Variants in LMLN observed in about 807,000 individuals in gnomAD.
The protein encoded by LMLN is leishmanolysin-like peptidase.
Under a neutral mutation model 92.3 loss-of-function variants are expected in LMLN, and 70 were observed. That is an observed-to-expected ratio of 0.76 (90% CI 0.63 to 0.92). The LOEUF (loss-of-function observed/expected upper bound fraction) is 0.92. Ranked by LOEUF, LMLN falls within the 40% of genes least tolerant of loss-of-function variation. LMLN has a pLI of 0.00. For missense variants in LMLN, 691 were observed against 814.6 expected (o/e 0.85, Z 1.85); for synonymous variants, 308 against 296.2 (o/e 1.04, Z -0.41).
At chr3:198,028,944 A>G (rs542766789) in intron 14 of LMLN, among the ~76,000 whole-genome samples, 80 of 152,330 alleles carry the variant, frequency 5.3e-4, no homozygotes, top group African/African-American at 1.9e-3. Flanking sequence ...ATCATCTTAC[A>G]TCATTCCAGC....
In LMLN at chr3:198,024,871, C is replaced by A. The variant is rs1395893615; in HGVS notation, c.1656+83C>A. 9.7e-6 allele frequency: 11 copies of A among 1,130,498 alleles called. No individual in the cohort carries two copies. The East Asian group carries it at 2.5e-4, about 26-fold the overall frequency. 70.0% of individuals were successfully genotyped at this position (1,130,498 alleles called of 1,614,324 possible). A position where few individuals can be genotyped will look rare whatever the true frequency, so the allele number is the denominator to read the frequency against. ...GGTTTTGTATTTTAAATTATATTTT[C>A]ATATTTTATGTCATTAATTTACTGA... On this transcript the variant is annotated intron_variant, in intron 14 of 15. Coordinates refer to ENST00000330198, the Ensembl canonical transcript of LMLN.
intron 5 of LMLN, among the ~76,000 whole-genome samples, chr3:197,979,941 T>TTTAGAATTAATTG (rs1721510227): frequency 6.6e-6 from 1 of 152,196 alleles, no homozygotes; most frequent in African/African-American, 2.4e-5. Context: ...TACCACTTAG[T>TTTAGAATTAATTG]TTAGAATTAA....
intron 9 of LMLN, among the ~76,000 whole-genome samples, chr3:197,991,938 T>C (rs960745688): frequency 4.0e-5 from 6 of 149,962 alleles, no homozygotes; most frequent in African/African-American, 1.5e-4. Context: ...CTCAGCTCAA[T>C]GTAACCTCTG....
At chr3:197,986,276 G>A (rs768975385) in intron 8 of LMLN, among the ~76,000 whole-genome samples, 1 of 152,098 alleles carries the variant, frequency 6.6e-6, no homozygotes, top group African/African-American at 2.4e-5. Flanking sequence ...GCCGGGCAGC[G>A]TGGCAAAACC....
chr3:198,007,637 C>G (rs1489768640), intron 11 of LMLN, among the ~76,000 whole-genome samples: 5 of 152,208 alleles, frequency 3.3e-5, no homozygotes, highest in Non-Finnish European at 7.3e-5. Context: ...ATTCTTTCCA[C>G]TATTTTAAAA....
In LMLN at chr3:198,019,148, T is replaced by G. The variant is rs2109933329; in HGVS notation, c.1233-105T>G. ...GAATCCCATTTGTTAATTATGAAGG[T>G]TTGTATTTTTAGGCCAGGATCTGGA... is the stretch of plus-strand genomic sequence containing the variant. On this transcript the variant is annotated intron_variant, in intron 11 of 15. Coordinates refer to ENST00000330198, the Ensembl canonical transcript of LMLN. This position sits in a 1 kb window ranked among gnomAD's most constrained non-coding sequence, Gnocchi z 5.5. The G allele has an allele frequency of 1.8e-6, 2 of 1,107,484 alleles. No individual in the cohort carries two copies. The highest frequency in any genetic ancestry group is 2.5e-5 in the Admixed American group (1 of 39,964). 68.6% of individuals were successfully genotyped at this position (1,107,484 alleles called of 1,614,324 possible). A position where few individuals can be genotyped will look rare whatever the true frequency, so the allele number is the denominator to read the frequency against.
chr3:198,020,768 A>ATTGTT (rs1722756549), intron 12 of LMLN, among the ~76,000 whole-genome samples: 457 of 32,824 alleles, frequency 0.014, 17 homozygotes, highest in African/African-American at 0.029. Flanking sequence ...TAATTTTTGT[A>ATTGTT]TTTTTTTTTT....
Position 197,961,506 on chromosome 3 carries a change from A to AT in LMLN, c.219+1070dup, listed in dbSNP as rs757710758. Among the ~76,000 whole-genome samples the AT allele has an allele frequency of 5.3e-4, 80 of 152,174 alleles. 1 individual carries two copies. The highest frequency in any genetic ancestry group is 9.6e-4 in the Non-Finnish European group (65 of 68,038). ...TTTTTTGCAGCTTTTATCATGCTGC[A>AT]TTTTCGCTGAATTCTTTAAAAAAAA... On this transcript the variant is annotated intron_variant, in intron 1 of 15. Transcript: ENST00000330198.
intron 11 of LMLN, among the ~76,000 whole-genome samples, chr3:198,017,593 T>C (rs1290086493): frequency 1.3e-5 from 2 of 152,202 alleles, no homozygotes; most frequent in Non-Finnish European, 2.9e-5. Context: ...GTTAAACTTA[T>C]ATTTAAATTA....
At position 197,994,025 on chromosome 3, in the gene LMLN, A is replaced by G. The variant is rs192325598; in HGVS notation, c.1048-2150A>G. On this transcript the variant is annotated intron_variant, in intron 9 of 15. Transcript: ENST00000330198. ...GTGCTAAGAATACACAATGGGAAAA[A>G]GTCTCTTCAATAAATGGTGTTGGGA... 3.3e-5 allele frequency among the ~76,000 whole-genome samples: 5 copies of G among 152,316 alleles called. No individual in the cohort carries two copies. In the East Asian group the frequency reaches 9.6e-4, roughly 29 times the overall value.
At chr3:198,017,747 T>A (rs1722679369) in intron 11 of LMLN, among the ~76,000 whole-genome samples, 1 of 152,036 alleles carries the variant, frequency 6.6e-6, no homozygotes, top group South Asian at 2.1e-4. Context: ...TGAAACCTGG[T>A]CTCTACTAAA....
chr3:198,020,624 T>C (rs868060069), intron 12 of LMLN, among the ~76,000 whole-genome samples: 148 of 152,088 alleles, frequency 9.7e-4, no homozygotes, highest in African/African-American at 3.5e-3. Flanking sequence ...AGATGGAGTC[T>C]TGCTGTGTCA....
intron 13 of LMLN, among the ~76,000 whole-genome samples, chr3:198,023,238 G>GGAGTGC (rs1156865133): frequency 2.0e-5 from 3 of 151,974 alleles, no homozygotes; most frequent in Middle Eastern, 3.2e-3. Flanking sequence ...CACCCAAGTT[G>GGAGTGC]GAGTGCAGTG....
chr3:197,977,004 C>G (rs112166817), intron 5 of LMLN, among the ~76,000 whole-genome samples: 163 of 152,272 alleles, frequency 1.1e-3, no homozygotes, highest in Non-Finnish European at 1.9e-3. Flanking sequence ...TTTAGCAAGG[C>G]ATATATCTCA....
chr3:197,976,956 C>T (rs915137045), intron 5 of LMLN, among the ~76,000 whole-genome samples: 11 of 152,216 alleles, frequency 7.2e-5, no homozygotes, highest in African/African-American at 2.7e-4. Context: ...TGCTGAATCA[C>T]TTTAGCTTAG....
At chr3:198,010,943 T>G (rs908945425) in intron 11 of LMLN, among the ~76,000 whole-genome samples, 1 of 152,188 alleles carries the variant, frequency 6.6e-6, no homozygotes, top group Non-Finnish European at 1.5e-5. Context: ...AGATTCTTCT[T>G]TGACCCATCG....
intron 6 of LMLN, among the ~76,000 whole-genome samples, chr3:197,982,529 A>G (rs1721589936): frequency 6.6e-6 from 1 of 152,122 alleles, no homozygotes; most frequent in Non-Finnish European, 1.5e-5. Context: ...CCCGGCCTTA[A>G]GTTCTTCTTT....
chr3:197,992,050 C>T (rs189357672), intron 9 of LMLN, among the ~76,000 whole-genome samples: 391 of 131,626 alleles, frequency 3.0e-3, no homozygotes, highest in Non-Finnish European at 2.4e-3. Context: ...TTAGTAGAGA[C>T]GGGGGTTTCA....
At chr3:198,023,803 A>G (rs957054472) in intron 13 of LMLN, among the ~76,000 whole-genome samples, 2 of 152,236 alleles carry the variant, frequency 1.3e-5, no homozygotes, top group Non-Finnish European at 2.9e-5. Context: ...TTAGATCAGC[A>G]TCTTACTAGG....
Sources: allele counts gnomAD v4.1 joint callset (sites outside exome capture counted in the v4.1 genomes callset), GRCh38; gene constraint gnomAD v4.1.1; non-coding constraint Gnocchi (gnomAD v3.1); transcripts MANE v1.5; gene names NCBI Gene and HGNC (gene_info 2026-07-23, HGNC 2026-07-21).